Variants in ZNF354B observed in about 807,000 individuals in gnomAD.
ZNF354B encodes the protein zinc finger protein 354B.
A neutral mutation model predicts 12.9 loss-of-function variants in ZNF354B; 10 were observed. That is an observed-to-expected ratio of 0.77 (90% CI 0.48 to 1.31). ZNF354B has a LOEUF of 1.31. ZNF354B is among the 40% of genes most tolerant of loss of function. The pLI, the probability that ZNF354B is intolerant of heterozygous loss-of-function variation, is 0.00. For synonymous variants in ZNF354B, 260 were observed against 243.7 expected, an observed-to-expected ratio of 1.07 and a Z score of -0.62; for missense variants, 614 against 711.7, an observed-to-expected ratio of 0.86 and a Z score of 1.56.
In ZNF354B at chr5:178,883,212, A is replaced by C; in HGVS notation, c.760A>C (p.Ser254Arg). ...CKECLKAFSQ[S>R]SALIQHQRTH... ...AGAATGTTTAAAAGCTTTCAGCCAAAGTTCTGCTCTTATTCAACATCAAAG... is the reference window on the plus strand; with the variant it reads ...AGAATGTTTAAAAGCTTTCAGCCAACGTTCTGCTCTTATTCAACATCAAAG... Residue 254 changes from serine to arginine, a missense_variant, in exon 5 of 5, where the codon AGT becomes CGT. Coordinates refer to ENST00000322434, the MANE Select transcript of ZNF354B (RefSeq NM_058230.3). The C allele has an allele frequency of 1.2e-6, 2 of 1,612,848 alleles. No homozygotes were observed. Among genetic ancestry groups the C allele is most frequent in the Non-Finnish European group, 1.7e-6 (2 of 1,179,742 alleles).
chr5:178,871,758 G>A (rs1358915121), intron 4 of ZNF354B, among the ~76,000 whole-genome samples: 1 of 152,188 alleles, frequency 6.6e-6, no homozygotes, highest in Non-Finnish European at 1.5e-5. Context: ...GAAGATAAAC[G>A]AGATAGGGTT....
At chr5:178,861,649 CG>C (rs546338693) in intron 2 of ZNF354B, among the ~76,000 whole-genome samples, 141 of 135,130 alleles carry the variant, frequency 1.0e-3, no homozygotes, top group Admixed American at 5.1e-3. Flanking sequence ...TTGGAGAGGT[CG>C]CTTGACTCGC....
intron 4 of ZNF354B, among the ~76,000 whole-genome samples, chr5:178,880,665 TTTTG>T (rs1379941594): frequency 6.6e-6 from 1 of 151,132 alleles, no homozygotes; most frequent in Non-Finnish European, 1.5e-5. Flanking sequence ...AGCTAATTTA[TTTTG>T]TTTGTTTTAG....
At chr5:178,872,071 T>G (rs1309377577) in intron 4 of ZNF354B, among the ~76,000 whole-genome samples, 2 of 152,164 alleles carry the variant, frequency 1.3e-5, no homozygotes, top group Non-Finnish European at 2.9e-5. Context: ...ATCCCTTCAG[T>G]CAGCACAGAG....
chr5:178,882,793 A>G lies in ZNF354B; in HGVS notation c.341A>G (p.Asp114Gly), dbSNP rs371772818. Residue 114 changes from aspartate (D) to glycine (G), a missense_variant, in exon 5 of 5, where the codon GAT becomes GGT. Physicochemically the swap from Asp to Gly is moderately conservative, Grantham distance 94. Coordinates refer to ENST00000322434, the MANE Select transcript of ZNF354B (RefSeq NM_058230.3). The stretch of plus-strand genomic sequence containing the variant: ...CAGATAAGGAAAAGATTGAAAAGGG[A>G]TGAACCCTGGAACTTCATATCAGAA... ...QEQIRKRLKR[D>G]EPWNFISERS... is the part of the protein sequence containing the mutation. The G allele has an allele frequency of 1.2e-6, 2 of 1,600,744 alleles. No individual in the cohort carries two copies. Among genetic ancestry groups the G allele is most frequent in the African/African-American group, 2.7e-5 (2 of 74,074 alleles).
At chr5:178,870,559 C>T (rs1266365052) in intron 4 of ZNF354B, among the ~76,000 whole-genome samples, 1 of 152,194 alleles carries the variant, frequency 6.6e-6, no homozygotes, top group Non-Finnish European at 1.5e-5. Flanking sequence ...GGATTACAGG[C>T]GTGAGCCACC....
chr5:178,880,493 C>T (rs62393056), intron 4 of ZNF354B, among the ~76,000 whole-genome samples: 1 of 150,416 alleles, frequency 6.6e-6, no homozygotes, highest in Admixed American at 6.6e-5. Flanking sequence ...CCACTGCACC[C>T]GGCCTCCTCT....
chr5:178,866,728 C>T (rs545055545), intron 3 of ZNF354B, among the ~76,000 whole-genome samples: 3 of 152,246 alleles, frequency 2.0e-5, no homozygotes, highest in African/African-American at 7.2e-5. Context: ...TTGCCTTTCC[C>T]ACTGCTCCTT....
At chr5:178,873,869 A>G (rs1400859007) in intron 4 of ZNF354B, among the ~76,000 whole-genome samples, 2 of 151,260 alleles carry the variant, frequency 1.3e-5, no homozygotes, top group Non-Finnish European at 2.9e-5. Context: ...TGAACATGAT[A>G]TGTCGTTCTA....
rs550156768 is a variant in ZNF354B at position 178,862,178 on chromosome 5, A to G, written c.33+1098A>G. On this transcript the variant is annotated intron_variant, in intron 2 of 4. Transcript: ENST00000322434. Reference sequence around the variant, plus strand: ...CTCTCACTCGCACAGTAGCACAACAATTACAATTCTTGTTTTACATGTGAG... The same window carrying G: ...CTCTCACTCGCACAGTAGCACAACAGTTACAATTCTTGTTTTACATGTGAG... 1.8e-4 allele frequency among the ~76,000 whole-genome samples: 28 copies of G among 152,200 alleles called. No individual in the cohort carries two copies. In the South Asian group the frequency reaches 5.4e-3, roughly 29 times the overall value.
intron 4 of ZNF354B, among the ~76,000 whole-genome samples, chr5:178,877,743 TGAG>T (rs1356454968): frequency 6.6e-6 from 1 of 152,182 alleles, no homozygotes; most frequent in African/African-American, 2.4e-5. Context: ...AGCCATGAGA[TGAG>T]GAGATTGGAG....
At chr5:178,865,575 A>G (rs1757434645) in intron 2 of ZNF354B, among the ~76,000 whole-genome samples, 1 of 151,530 alleles carries the variant, frequency 6.6e-6, no homozygotes, top group African/African-American at 2.4e-5. Flanking sequence ...CCAACTTTAA[A>G]CAAATTGCTT....
At chr5:178,869,518 T>G (rs62393052) in intron 4 of ZNF354B, among the ~76,000 whole-genome samples, 96,835 of 151,922 alleles carry the variant, frequency 0.64, 31,117 homozygotes, top group African/African-American at 0.68. Flanking sequence ...GGCCGAATCT[T>G]GTGTGGAAGA....
chr5:178,870,864 G>A (rs1581811599), intron 4 of ZNF354B, among the ~76,000 whole-genome samples: 1 of 151,904 alleles, frequency 6.6e-6, no homozygotes, highest in African/African-American at 2.4e-5. Context: ...TTGCTATGCT[G>A]CCCAGGCTGT....
rs1209028788 is a variant in ZNF354B at position 178,883,895 on chromosome 5, C to G, written c.1443C>G (p.Leu481=). ...CGKAFRQSSA[L]IQHQRMHTGE... ...AAGCCTTCAGACAGAGTTCCGCTCT[C>G]ATTCAACATCAGAGAATGCATACTG... Residue 481 remains leucine (L), a synonymous_variant, in exon 5 of 5, where the codon CTC becomes CTG. Coordinates refer to ENST00000322434, the MANE Select transcript of ZNF354B (RefSeq NM_058230.3). 6 of 1,614,128 alleles carry G rather than the reference C, an allele frequency of 3.7e-6. No individual in the cohort carries two copies.
At chr5:178,877,316 C>T (rs1460991881) in intron 4 of ZNF354B, among the ~76,000 whole-genome samples, 1 of 152,010 alleles carries the variant, frequency 6.6e-6, no homozygotes, top group African/African-American at 2.4e-5. Context: ...ATTACAGGCA[C>T]CCACCACCAC....
intron 4 of ZNF354B, among the ~76,000 whole-genome samples, chr5:178,881,389 G>C (rs1331357717): frequency 6.6e-6 from 1 of 152,142 alleles, no homozygotes; most frequent in Non-Finnish European, 1.5e-5. Flanking sequence ...CTGAGGTTGA[G>C]AAATCCTTAT....
chr5:178,864,593 A>C (rs56872885), intron 2 of ZNF354B, among the ~76,000 whole-genome samples: 22,481 of 151,882 alleles, frequency 0.15, 2,046 homozygotes, highest in African/African-American at 0.25. Context: ...CAGTTTATTG[A>C]ATGTTTCAAT....
At chr5:178,870,064 C>T (rs1757538212) in intron 4 of ZNF354B, among the ~76,000 whole-genome samples, 1 of 148,406 alleles carries the variant, frequency 6.7e-6, no homozygotes, top group South Asian at 2.1e-4. Context: ...GTGATTCCAG[C>T]ACTTTGGGAG....
Sources: gnomAD v4.1 joint callset for allele counts (sites outside exome capture counted in the v4.1 genomes callset) on GRCh38, gnomAD v4.1.1 for gene constraint, MANE v1.5 for transcripts, NCBI Gene and HGNC (gene_info 2026-07-23, HGNC 2026-07-21) for gene names.